RASGRF1: variants seen among roughly 807,000 people sequenced by gnomAD.
The protein encoded by RASGRF1 is ras-specific guanine nucleotide-releasing factor 1.
A neutral mutation model predicts 138.7 loss-of-function variants in RASGRF1; 40 were observed. The ratio of observed to expected loss-of-function variants is 0.29; its 90% CI spans 0.22 to 0.38. RASGRF1 has a LOEUF of 0.38. RASGRF1 is among the 10% of genes least tolerant of loss of function. The probability of loss-of-function intolerance (pLI) is 1.00; values close to 1 mark genes in which losing one functional copy is unlikely to be tolerated. For missense variants in RASGRF1, 1,108 were observed against 1,650.4 expected (o/e 0.67, Z 5.69); for synonymous variants, 614 against 663.2 (o/e 0.93, Z 1.14).
intron 3 of RASGRF1, among the ~76,000 whole-genome samples, chr15:79,057,174 G>T (rs906985637): frequency 2.0e-5 from 3 of 152,172 alleles, no homozygotes; most frequent in African/African-American, 7.2e-5. Context: ...TGCAGGCTGG[G>T]GTCCAGTGTG....
chr15:79,084,324 G>A (rs536478228), intron 1 of RASGRF1, among the ~76,000 whole-genome samples: 47 of 151,478 alleles, frequency 3.1e-4, no homozygotes, highest in African/African-American at 1.0e-3. Flanking sequence ...TAGACGAGCC[G>A]CCAAATTCAA....
chr15:78,987,484 T>C (rs1595873253), intron 22 of RASGRF1, among the ~76,000 whole-genome samples: 1 of 151,864 alleles, frequency 6.6e-6, no homozygotes, highest in Admixed American at 6.6e-5. Context: ...TCACCTGAGG[T>C]CCGGAGTTTG....
Position 79,040,118 on chromosome 15 carries a change from T to A in RASGRF1, c.879-4908A>T, listed in dbSNP as rs76619286. Among the ~76,000 whole-genome samples, 777 of 152,252 alleles carry A rather than the reference T, an allele frequency of 5.1e-3. 7 individuals are homozygous for A. The highest frequency in any genetic ancestry group is 0.017 in the African/African-American group (720 of 41,530). On this transcript the variant is annotated intron_variant, in intron 5 of 26. Transcript: ENST00000558480. The stretch of plus-strand genomic sequence containing the variant: ...CTAATAGTTTTTAGGACTTTTTTTT[T>A]ATTGACCCTGACCTCGGGTCTACCC...
chr15:79,022,332 C>T (rs745417168), intron 10 of RASGRF1, among the ~76,000 whole-genome samples: 11 of 151,680 alleles, frequency 7.3e-5, no homozygotes, highest in African/African-American at 1.9e-4. Flanking sequence ...TCCAGCTACT[C>T]GGGAGGCTGA....
intron 6 of RASGRF1, among the ~76,000 whole-genome samples, chr15:79,033,127 C>A (rs1010828048): frequency 6.6e-6 from 1 of 152,236 alleles, no homozygotes; most frequent in African/African-American, 2.4e-5. Flanking sequence ...CTGTCTCAAG[C>A]TTCCTGGGTA....
chr15:79,072,477 GT>G (rs2057774888), intron 1 of RASGRF1, among the ~76,000 whole-genome samples: 1 of 150,856 alleles, frequency 6.6e-6, no homozygotes, highest in South Asian at 2.1e-4. Flanking sequence ...GGGTTTCACC[GT>G]GTTAGCCAGG....
At chr15:79,004,213 A>G (rs2056618412) in intron 14 of RASGRF1, 38 bp from the exon 15 acceptor site, 10 of 1,518,920 alleles carry the variant, frequency 6.6e-6, no homozygotes, top group Non-Finnish European at 8.8e-6. Flanking sequence ...CAGTTAGCGT[A>G]GGCCTGCCTG....
At chr15:79,068,725 G>T (rs2057714993) in intron 1 of RASGRF1, among the ~76,000 whole-genome samples, 1 of 151,976 alleles carries the variant, frequency 6.6e-6, no homozygotes, top group Non-Finnish European at 1.5e-5. Context: ...TGCACTTCTG[G>T]ATAGGCCTTG....
intron 23 of RASGRF1, among the ~76,000 whole-genome samples, chr15:78,983,976 G>A (rs2056093497): frequency 6.6e-6 from 1 of 152,238 alleles, no homozygotes; most frequent in Non-Finnish European, 1.5e-5. Context: ...GAAGGTGAGG[G>A]AAGGGTAGCA....
At position 79,003,883 on chromosome 15, in the gene RASGRF1, T is replaced by C; in HGVS notation, c.2368A>G (p.Ser790Gly). ...TLDTSKLYVS[S>G]SFTNKIPDEG... is the part of the protein sequence containing the mutation. ...TCTGGAATCTTGTTGGTGAAGCTGC[T>C]GGACACATAGAGCTTGCTGGTGTCC... The change falls in exon 15 of 27, where the codon AGC (serine) becomes GGC (glycine). Residue 790 changes from serine to glycine, a missense_variant. Transcript: ENST00000558480. The C allele has an allele frequency of 6.2e-7, 1 of 1,614,084 alleles. No homozygotes were observed. The highest frequency in any genetic ancestry group is 8.5e-7 in the Non-Finnish European group (1 of 1,180,016).
chr15:78,962,059 G>T lies in RASGRF1; in HGVS notation c.*85C>A. The T allele has an allele frequency of 2.4e-6, 2 of 843,252 alleles. No homozygotes were observed. The highest frequency in any genetic ancestry group is 1.6e-5 in the South Asian group (1 of 63,990). The allele number at this position is 843,252 out of a possible 1,614,324, so 52.2% of individuals were successfully genotyped here. On this transcript the variant is annotated 3_prime_UTR_variant, in exon 27 of 27. Transcript: ENST00000558480. ...TCTTGGAGAAGCACATACTGAAGAA[G>T]AAAATCCAGTGAAACCAAACGAATA...
intron 19 of RASGRF1, among the ~76,000 whole-genome samples, chr15:78,997,776 C>A (rs1356746162): frequency 1.3e-5 from 2 of 150,882 alleles, no homozygotes; most frequent in Non-Finnish European, 2.9e-5. Flanking sequence ...CCTTATGTAG[C>A]TAGTGCCTAC....
At chr15:78,968,250 A>ATTGTGTGTGTGTGTGTGTGTG (rs140770821) in intron 26 of RASGRF1, among the ~76,000 whole-genome samples, 1 of 134,226 alleles carries the variant, frequency 7.5e-6, no homozygotes, top group East Asian at 2.1e-4. Flanking sequence ...CATGACACTG[A>ATTGTGTGTGTGTGTGTGTGTG]TGTGTGTGTG....
chr15:79,009,845 C>T (rs555652597), intron 13 of RASGRF1, among the ~76,000 whole-genome samples: 3 of 152,128 alleles, frequency 2.0e-5, no homozygotes, highest in Non-Finnish European at 2.9e-5. Context: ...CTGCCTCAGC[C>T]TCCTGAGTAG....
intron 10 of RASGRF1, among the ~76,000 whole-genome samples, chr15:79,023,248 A>G (rs1015948488): frequency 2.0e-4 from 30 of 152,008 alleles, no homozygotes; most frequent in Non-Finnish European, 4.4e-4. Context: ...TGATGAATGC[A>G]GGGCTGGAGG....
At chr15:79,075,944 C>T (rs747529406) in intron 1 of RASGRF1, among the ~76,000 whole-genome samples, 2 of 152,230 alleles carry the variant, frequency 1.3e-5, no homozygotes, top group Non-Finnish European at 2.9e-5. Flanking sequence ...ACACCTTTTA[C>T]TCTCCAAGTC....
rs1225494744 is a variant in RASGRF1, at chr15:79,050,155, T to C, written c.532-567A>G. ...GTACTCATCAAACAATAACTCTCCA[T>C]TCCCCTTCCTCCCAGTCCCTGGCAA... On this transcript the variant is annotated intron_variant, in intron 3 of 26. Coordinates refer to ENST00000558480, the MANE Select transcript of RASGRF1 (RefSeq NM_001145648.3). The surrounding 1 kb of genome is among the most constrained non-coding windows in gnomAD (Gnocchi z 4.1). 6.6e-6 allele frequency among the ~76,000 whole-genome samples: 1 copy of C among 152,146 alleles called. No homozygotes were observed. Among genetic ancestry groups the C allele is most frequent in the East Asian group, 1.9e-4 (1 of 5,200 alleles).
chr15:79,002,930 G>A (rs1000885526), intron 15 of RASGRF1, among the ~76,000 whole-genome samples: 2 of 152,264 alleles, frequency 1.3e-5, no homozygotes, highest in African/African-American at 4.8e-5. Flanking sequence ...CTGGTTGCAC[G>A]TGGGTGCGTG....
chr15:79,071,572 G>T (rs2057756655), intron 1 of RASGRF1, among the ~76,000 whole-genome samples: 1 of 148,296 alleles, frequency 6.7e-6, no homozygotes, highest in East Asian at 2.0e-4. Context: ...GTTTTGCCAT[G>T]TTGGCCAGGC....
Sources: gnomAD v4.1 joint callset for allele counts (sites outside exome capture counted in the v4.1 genomes callset) on GRCh38, gnomAD v4.1.1 for gene constraint, Gnocchi (gnomAD v3.1) non-coding constraint, MANE v1.5 for transcripts, NCBI Gene and HGNC (gene_info 2026-07-23, HGNC 2026-07-21) for gene names.